LNX1: variants seen among roughly 807,000 people sequenced by gnomAD.
The protein encoded by LNX1 is E3 ubiquitin-protein ligase LNX.
In LNX1, 54 loss-of-function variants were observed where a neutral mutation model predicts 68.4. The ratio of observed to expected loss-of-function variants is 0.79; its 90% CI spans 0.63 to 0.99. LNX1 has a LOEUF of 0.99. Ranked by LOEUF, LNX1 falls within the 50% of genes least tolerant of loss-of-function variation. The pLI is 0.00. For synonymous variants in LNX1, 336 were observed against 350.0 expected (o/e 0.96, Z 0.45); for missense variants, 906 against 926.4 (o/e 0.98, Z 0.29).
upstream of LNX1, among the ~76,000 whole-genome samples, chr4:53,619,746 T>G (rs1329773896): frequency 6.6e-6 from 1 of 152,206 alleles, no homozygotes; most frequent in African/African-American, 2.4e-5. Context: ...ATGTGCTGGG[T>G]TACATGGTAA....
intron 2 of LNX1, among the ~76,000 whole-genome samples, chr4:53,551,524 G>A (rs1189823977): frequency 6.6e-6 from 1 of 152,146 alleles, no homozygotes; most frequent in Non-Finnish European, 1.5e-5. Flanking sequence ...AGGAGAAAAA[G>A]CCCTCAAGTG....
At chr4:53,593,729 C>G (rs182766737), upstream of LNX1, 1 of 151,844 alleles carries the variant, frequency 6.6e-6, no homozygotes, top group Non-Finnish European at 1.5e-5. Flanking sequence ...TTCTAAACTA[C>G]TAGAAAAAAA....
intron 6 of LNX1, among the ~76,000 whole-genome samples, chr4:53,490,732 C>T (rs1724623453): frequency 6.6e-6 from 1 of 152,180 alleles, no homozygotes; most frequent in Admixed American, 6.5e-5. Context: ...GGCAACATAG[C>T]CAAGGATTGG....
intron 1 of LNX1, among the ~76,000 whole-genome samples, chr4:53,582,620 A>T (rs1191366095): frequency 6.6e-6 from 1 of 152,222 alleles, no homozygotes; most frequent in Admixed American, 6.5e-5. Context: ...CTTGTTTTAC[A>T]GCATGTTTCA....
At chr4:53,616,000 TCTTTCTAA>T (rs1194655702) in intron 2 of LNX1, among the ~76,000 whole-genome samples, 3 of 124,038 alleles carry the variant, frequency 2.4e-5, no homozygotes, top group African/African-American at 8.6e-5. Context: ...TCTTACTAAT[TCTTTCTAA>T]CTATTTTTTG....
chr4:53,584,556 C>T (rs112458093), intron 1 of LNX1, among the ~76,000 whole-genome samples: 2,366 of 152,194 alleles, frequency 0.016, 30 homozygotes, highest in Non-Finnish European at 0.019. Context: ...GGAAGGATCA[C>T]GAATGATAAA....
At position 53,584,386 on chromosome 4, in the gene LNX1, A is replaced by G. The variant is rs1219430216; in HGVS notation, c.-87+7002T>C. ...AATTATGAAAACAGAGTTTATCCAC[A>G]GGAAAAAAAATGTAAAAACACTGCA... On this transcript the variant is annotated intron_variant, in intron 1 of 10. Transcript: ENST00000263925. Among the ~76,000 whole-genome samples the G allele has an allele frequency of 2.0e-5, 3 of 152,182 alleles. No individual in the cohort carries two copies. In the East Asian group the frequency reaches 5.8e-4, roughly 29 times the overall value.
Position 53,460,235 on chromosome 4 carries a change from T to TAAC in LNX1, c.*669_*671dup, listed in dbSNP as rs1553927576. 1 of 193,358 alleles carries TAAC rather than the reference T, an allele frequency of 5.2e-6. No individual in the cohort carries two copies. The highest frequency in any genetic ancestry group is 1.1e-5 in the Non-Finnish European group (1 of 92,740). 12.0% of individuals were successfully genotyped at this position (193,358 alleles called of 1,614,324 possible). On this transcript the variant is annotated 3_prime_UTR_variant, in exon 11 of 11. Transcript: ENST00000263925. ...GCAGCATGAGTTTTTATACAGTTAC[T>TAAC]AACGATTGTGGAAAAAAAGAGCTTT... is the stretch of plus-strand genomic sequence containing the variant.
intron 2 of LNX1, among the ~76,000 whole-genome samples, chr4:53,549,136 A>G (rs1364679725): frequency 6.6e-6 from 1 of 152,194 alleles, no homozygotes; most frequent in Admixed American, 6.5e-5. Flanking sequence ...CCTATGTAAC[A>G]AACCTTGACA....
Position 53,573,922 on chromosome 4 carries a change from G to C in LNX1, c.81C>G (p.His27Gln). ...CGQAHSLEEN[H>Q]FYSYPEEVDD... is the part of the protein sequence containing the mutation. ...CCACTTCCTCTGGATAGCTGTAGAA[G>C]TGGTTTTCCTCCAAGGAGTGGGCTT... The change falls in exon 2 of 11, where the codon CAC (histidine) becomes CAG (glutamine). Residue 27 changes from histidine (H) to glutamine (Q), a missense_variant. Transcript: ENST00000263925. 1 of 1,613,798 alleles carries C rather than the reference G, an allele frequency of 6.2e-7. No individual in the cohort carries two copies. The highest frequency in any genetic ancestry group is 1.7e-5 in the Admixed American group (1 of 60,004).
chr4:53,541,945 G>A (rs1207003151), intron 2 of LNX1, among the ~76,000 whole-genome samples: 2 of 152,198 alleles, frequency 1.3e-5, no homozygotes, highest in Admixed American at 6.5e-5. Flanking sequence ...TGGCAAACAT[G>A]AGCATGCATA....
chr4:53,538,729 TG>T (rs1728549313), intron 2 of LNX1, among the ~76,000 whole-genome samples: 1 of 152,192 alleles, frequency 6.6e-6, no homozygotes, highest in Non-Finnish European at 1.5e-5. Flanking sequence ...TTCAGGTCAC[TG>T]GGGATGCTGC....
At chr4:53,598,603 T>G (rs1417644297) in intron 2 of LNX1, among the ~76,000 whole-genome samples, 2 of 152,154 alleles carry the variant, frequency 1.3e-5, no homozygotes, top group East Asian at 3.9e-4. Context: ...CCACGTACTC[T>G]CAGGACTTAG....
intron 1 of LNX1, among the ~76,000 whole-genome samples, chr4:53,577,525 G>A (rs1577745569): frequency 6.6e-6 from 1 of 152,146 alleles, no homozygotes; most frequent in African/African-American, 2.4e-5. Flanking sequence ...CCAAGGGAGT[G>A]GAGATAGGAG....
chr4:53,547,102 ATTATAT>A (rs1729166197), intron 2 of LNX1, among the ~76,000 whole-genome samples: 1 of 152,228 alleles, frequency 6.6e-6, no homozygotes, highest in African/African-American at 2.4e-5. Context: ...TTGTTACCAA[ATTATAT>A]CAAATCGAAG....
chr4:53,529,079 A>G (rs1406593744), intron 2 of LNX1, among the ~76,000 whole-genome samples: 1 of 136,396 alleles, frequency 7.3e-6, no homozygotes, highest in East Asian at 2.1e-4. Flanking sequence ...CTTATTGGCA[A>G]TTACAGCTTA....
chr4:53,470,962 A>C (rs924499879), intron 9 of LNX1, among the ~76,000 whole-genome samples: 1 of 151,084 alleles, frequency 6.6e-6, no homozygotes, highest in Admixed American at 6.6e-5. Context: ...GCTACCAATG[A>C]CTTTCTTCAC....
At chr4:53,461,408 G>A (rs773256459) in intron 10 of LNX1, 27 bp downstream of exon 10, 9 of 1,541,586 alleles carry the variant, frequency 5.8e-6, no homozygotes, top group Non-Finnish European at 8.0e-6. Flanking sequence ...TTTAATACAA[G>A]TATTTTTGAT....
intron 4 of LNX1, among the ~76,000 whole-genome samples, chr4:53,501,316 G>T (rs1156912752): frequency 7.6e-6 from 1 of 130,780 alleles, no homozygotes; most frequent in Non-Finnish European, 1.6e-5. Context: ...GGGGGGACAG[G>T]ATCTCACTCT....
Sources: allele counts gnomAD v4.1 joint callset (sites outside exome capture counted in the v4.1 genomes callset), GRCh38; gene constraint gnomAD v4.1.1; transcripts MANE v1.5; gene names NCBI Gene and HGNC (gene_info 2026-07-23, HGNC 2026-07-21).